The following EZR variants were observed in gnomAD, a reference collection of about 807,000 sequenced individuals.
EZR encodes ezrin, also known as cytovillin 2.
In EZR, 40 loss-of-function variants were observed where a neutral mutation model predicts 74.8. The observed-to-expected ratio is 0.53, with a 90% CI of 0.42 to 0.70. EZR has a LOEUF of 0.70. Ranked by LOEUF, EZR falls within the 30% of genes least tolerant of loss-of-function variation. The pLI is 0.00. For missense variants in EZR, 678 were observed against 755.8 expected, an observed-to-expected ratio of 0.90 and a Z score of 1.21; for synonymous variants, 341 against 283.3, an observed-to-expected ratio of 1.20 and a Z score of -2.05.
intron 6 of EZR, 81 bp from the exon 7 acceptor site, chr6:158,783,747 A>G: frequency 6.8e-7 from 1 of 1,470,646 alleles, no homozygotes; most frequent in South Asian, 1.3e-5. Flanking sequence ...GTATTTTTAA[A>G]TTAAGGCGCC....
At chr6:158,809,271 T>C (rs1379794751) in intron 2 of EZR, among the ~76,000 whole-genome samples, 1 of 152,204 alleles carries the variant, frequency 6.6e-6, no homozygotes, top group Non-Finnish European at 1.5e-5. Context: ...GAATCAGGAA[T>C]GGACTTACAA....
chr6:158,798,460 T>C (rs1474298148), intron 2 of EZR, among the ~76,000 whole-genome samples: 2 of 152,200 alleles, frequency 1.3e-5, no homozygotes, highest in Non-Finnish European at 1.5e-5. Flanking sequence ...ACCAACACAG[T>C]AGCGGCGCTC....
At chr6:158,780,164 C>T (rs1791392352) in intron 7 of EZR, among the ~76,000 whole-genome samples, 1 of 135,114 alleles carries the variant, frequency 7.4e-6, no homozygotes, top group African/African-American at 2.9e-5. Flanking sequence ...CCCTGGGTGA[C>T]ACAGTGAGAT....
intron 6 of EZR, among the ~76,000 whole-genome samples, chr6:158,784,209 A>ACATGTCTTACATGTCTT (rs1791505480): frequency 3.3e-5 from 5 of 152,204 alleles, no homozygotes; most frequent in Non-Finnish European, 7.4e-5. Context: ...GTCTTACATT[A>ACATGTCTTACATGTCTT]ACAGCCCCAC....
chr6:158,815,301 T>C (rs868350523), intron 2 of EZR, among the ~76,000 whole-genome samples: 5 of 152,212 alleles, frequency 3.3e-5, no homozygotes, highest in South Asian at 4.1e-4. Context: ...TTCAAATATG[T>C]GCAACCTACG....
At chr6:158,777,055 C>G (rs1177184162) in intron 7 of EZR, among the ~76,000 whole-genome samples, 2 of 152,364 alleles carry the variant, frequency 1.3e-5, no homozygotes, top group East Asian at 3.8e-4. Flanking sequence ...CACAGTTCCC[C>G]AGGGCTGCCT....
At chr6:158,800,704 AG>A (rs1269742177) in intron 2 of EZR, among the ~76,000 whole-genome samples, 1 of 152,214 alleles carries the variant, frequency 6.6e-6, no homozygotes, top group Non-Finnish European at 1.5e-5. Flanking sequence ...CCAGGGAATA[AG>A]GCAGGACAAT....
At chr6:158,776,022 T>C (rs575288649) in intron 8 of EZR, among the ~76,000 whole-genome samples, 1 of 152,304 alleles carries the variant, frequency 6.6e-6, no homozygotes, top group South Asian at 2.1e-4. Context: ...CTTGGGTAAG[T>C]TCCAGGACAG....
At chr6:158,768,091 TC>T (rs1300198408) in intron 12 of EZR, among the ~76,000 whole-genome samples, 2 of 151,668 alleles carry the variant, frequency 1.3e-5, no homozygotes, top group African/African-American at 4.8e-5. Context: ...CCACCTGTAA[TC>T]CCCCCATGCT....
rs1791105155 is a variant in EZR, at chr6:158,771,418, G to A, written c.796-11C>T. 2.5e-6 allele frequency: 4 copies of A among 1,587,556 alleles called. No individual in the cohort carries two copies. The highest frequency in any genetic ancestry group is 1.1e-5 in the South Asian group (1 of 87,868). ...ATAAAACACAAAGTCCTACAAAACA[G>A]AACAGGGCCACCTGGACTCAAGCTC... On this transcript the variant is annotated splice_polypyrimidine_tract_variant and intron_variant, in intron 8 of 13. Coordinates refer to ENST00000367075, the MANE Select transcript of EZR (RefSeq NM_001111077.2).
At chr6:158,793,173 G>C (rs1791787911) in intron 2 of EZR, among the ~76,000 whole-genome samples, 1 of 142,458 alleles carries the variant, frequency 7.0e-6, no homozygotes, top group South Asian at 2.3e-4. Context: ...AAATCATTCA[G>C]GCTGGAGTGC....
At chr6:158,810,602 G>C (rs1490680262) in intron 2 of EZR, among the ~76,000 whole-genome samples, 1 of 152,160 alleles carries the variant, frequency 6.6e-6, no homozygotes, top group African/African-American at 2.4e-5. Flanking sequence ...ATTCCGACTA[G>C]AACACACAGA....
intron 10 of EZR, among the ~76,000 whole-genome samples, chr6:158,770,170 CCT>C (rs764497944): frequency 2.6e-5 from 4 of 152,236 alleles, no homozygotes; most frequent in African/African-American, 4.8e-5. Flanking sequence ...AGCCAGGCGC[CCT>C]CTCTCTGGCA....
chr6:158,787,090 T>C lies in EZR; in HGVS notation c.192+18A>G, dbSNP rs1489746140. The C allele has an allele frequency of 5.6e-6, 9 of 1,602,140 alleles. No individual in the cohort carries two copies. Among genetic ancestry groups the C allele is most frequent in the East Asian group, 2.2e-5 (1 of 44,804 alleles). On this transcript the variant is annotated intron_variant, in intron 4 of 13. Transcript: ENST00000367075. ...CAACACCCAATCCACAGCCTGTAAA[T>C]AGTTAATCCTGACTTGCCTTCTTAT...
chr6:158,803,313 C>T (rs1231747975), intron 2 of EZR, among the ~76,000 whole-genome samples: 3 of 150,694 alleles, frequency 2.0e-5, no homozygotes, highest in Non-Finnish European at 4.4e-5. Flanking sequence ...AATGAGTACT[C>T]GATACGAGGT....
At chr6:158,783,483 C>A in intron 7 of EZR, 37 bp downstream of exon 7, 1 of 1,586,056 alleles carries the variant, frequency 6.3e-7, no homozygotes, top group South Asian at 1.1e-5. Context: ...AGGCCCACCA[C>A]CCTACCTACT....
Position 158,766,974 on chromosome 6 carries a change from C to A in EZR, c.1701G>T (p.Thr567=), listed in dbSNP as rs185627061. The part of the protein sequence containing the change: ...NMRQGRDKYK[T]LRQIRQGNTK... Reference sequence around the variant, plus strand: ...TGTTGCCCTGCCGGATCTGCCGCAGCGTCTTGTACTTGTCCCGGCCTTGCC... The same window carrying A: ...TGTTGCCCTGCCGGATCTGCCGCAGAGTCTTGTACTTGTCCCGGCCTTGCC... The change falls in exon 14 of 14, where the codon ACG becomes ACT. Residue 567 remains threonine, a synonymous_variant. Coordinates refer to ENST00000367075, the MANE Select transcript of EZR (RefSeq NM_001111077.2). The A allele has an allele frequency of 5.0e-6, 8 of 1,614,080 alleles. No individual in the cohort carries two copies. The highest frequency in any genetic ancestry group is 5.9e-6 in the Non-Finnish European group (7 of 1,180,046).
chr6:158,786,639 G>A (rs1050897996), intron 4 of EZR, among the ~76,000 whole-genome samples: 9 of 139,852 alleles, frequency 6.4e-5, no homozygotes, highest in Admixed American at 2.8e-4. Context: ...CTGTGACTTG[G>A]GAGGACAGTG....
intron 2 of EZR, among the ~76,000 whole-genome samples, chr6:158,802,421 G>A (rs189755351): frequency 5.9e-5 from 9 of 152,282 alleles, no homozygotes; most frequent in East Asian, 5.8e-4. Flanking sequence ...TTTTTGATGC[G>A]TTGTTTATAC....
Sources: gnomAD v4.1 joint callset for allele counts (sites outside exome capture counted in the v4.1 genomes callset) on GRCh38, gnomAD v4.1.1 for gene constraint, MANE v1.5 for transcripts, NCBI Gene and HGNC (gene_info 2026-07-23, HGNC 2026-07-21) for gene names.